FGF12: variants seen among roughly 807,000 people sequenced by gnomAD.
FGF12 encodes the protein fibroblast growth factor 12.
A neutral mutation model predicts 23.6 loss-of-function variants in FGF12; 14 were observed. The ratio of observed to expected loss-of-function variants is 0.59; its 90% CI spans 0.39 to 0.93. The LOEUF is 0.93. FGF12 is among the 40% of genes least tolerant of loss of function. The probability of loss-of-function intolerance (pLI) is 0.00; values close to 1 mark genes in which losing one functional copy is unlikely to be tolerated. For synonymous variants in FGF12, 62 were observed against 77.3 expected (o/e 0.80, Z 1.04); for missense variants, 175 against 217.8 (o/e 0.80, Z 1.24).
At chr3:192,378,080 T>TTCTTTCTCTCTC (rs1553805090) in intron 2 of FGF12, among the ~76,000 whole-genome samples, 1 of 105,810 alleles carries the variant, frequency 9.5e-6, no homozygotes, top group Non-Finnish European at 2.0e-5. Context: ...CTTTCTTTCT[T>TTCTTTCTCTCTC]TCTTTCTTTC....
At chr3:192,375,614 G>T (rs1719452964) in intron 2 of FGF12, among the ~76,000 whole-genome samples, 2 of 151,880 alleles carry the variant, frequency 1.3e-5, no homozygotes, top group South Asian at 4.2e-4. Context: ...CGTTTATTAT[G>T]ATAGATTTAC....
intron 2 of FGF12, among the ~76,000 whole-genome samples, chr3:192,656,893 T>A (rs540865866): frequency 6.6e-6 from 1 of 152,284 alleles, no homozygotes; most frequent in Admixed American, 6.5e-5. Flanking sequence ...ATATACTAAT[T>A]GGCAAGTACA....
At chr3:192,293,718 A>G (rs1487821915) in intron 4 of FGF12, among the ~76,000 whole-genome samples, 1 of 152,156 alleles carries the variant, frequency 6.6e-6, no homozygotes, top group Non-Finnish European at 1.5e-5. Context: ...TATATATTCA[A>G]CATTTGCCTG....
chr3:192,169,060 G>A (rs1273623440), intron 5 of FGF12, among the ~76,000 whole-genome samples: 1 of 152,172 alleles, frequency 6.6e-6, no homozygotes, highest in African/African-American at 2.4e-5. Flanking sequence ...ATGAAAATAG[G>A]CCAGGCATGG....
At chr3:192,268,671 C>T in intron 4 of FGF12, 1 of 446,126 alleles carries the variant, frequency 2.2e-6, no homozygotes, top group Non-Finnish European at 4.5e-6. Context: ...TTTGCCTTGT[C>T]ATGATTGTAA....
chr3:192,642,253 A>G (rs552475361), intron 2 of FGF12, among the ~76,000 whole-genome samples: 1 of 152,338 alleles, frequency 6.6e-6, no homozygotes, highest in South Asian at 2.1e-4. Context: ...GCCCATGGAA[A>G]TAATTACTAT....
chr3:192,430,684 T>C (rs913162033), intron 2 of FGF12, among the ~76,000 whole-genome samples: 2 of 152,192 alleles, frequency 1.3e-5, no homozygotes, highest in African/African-American at 2.4e-5. Context: ...AATTCATTTA[T>C]TGGGGTCCTA....
intron 2 of FGF12, among the ~76,000 whole-genome samples, chr3:192,442,063 G>A (rs754511935): frequency 1.1e-4 from 17 of 152,226 alleles, no homozygotes; most frequent in Non-Finnish European, 2.4e-4. Flanking sequence ...GCATTGTTGA[G>A]TGAGACTTTC....
chr3:192,224,074 G>A (rs1718607219), intron 4 of FGF12, among the ~76,000 whole-genome samples: 1 of 152,028 alleles, frequency 6.6e-6, no homozygotes, highest in African/African-American at 2.4e-5. Flanking sequence ...CCTCAGGGTA[G>A]GGATTTTGTA....
rs1560135955 is a variant in FGF12 at position 192,514,843 on chromosome 3, G to C, written c.14-154305C>G. 1.0e-6 allele frequency: 1 copy of C among 985,222 alleles called. No individual in the cohort carries two copies. Among genetic ancestry groups the C allele is most frequent in the African/African-American group, 1.7e-5 (1 of 57,224 alleles). 61.0% of individuals were successfully genotyped at this position (985,222 alleles called of 1,614,324 possible). A position where few individuals can be genotyped will look rare whatever the true frequency, so the allele number is the denominator to read the frequency against. On this transcript the variant is annotated intron_variant, in intron 2 of 5. Coordinates refer to ENST00000445105, the MANE Select transcript of FGF12 (RefSeq NM_004113.6). This position sits in a 1 kb window ranked among gnomAD's most constrained non-coding sequence, Gnocchi z 4.9. ...ACAGGCGGCCTGTCTTCGGAAGCCG[G>C]GTCCCGAGTCCATCGCGCGCGCCCA... is the stretch of plus-strand genomic sequence containing the variant.
intron 2 of FGF12, among the ~76,000 whole-genome samples, chr3:192,454,610 G>A (rs1308269045): frequency 6.6e-6 from 1 of 152,212 alleles, no homozygotes; most frequent in Non-Finnish European, 1.5e-5. Flanking sequence ...TAAACATGGT[G>A]CAAGGAGAGA....
At chr3:192,423,922 A>G (rs1662584316) in intron 2 of FGF12, among the ~76,000 whole-genome samples, 1 of 152,198 alleles carries the variant, frequency 6.6e-6, no homozygotes, top group African/African-American at 2.4e-5. Context: ...TAATTTATAG[A>G]TGCATAAAGA....
intron 3 of FGF12, among the ~76,000 whole-genome samples, chr3:192,341,877 T>G (rs987745690): frequency 3.6e-5 from 4 of 111,694 alleles, no homozygotes; most frequent in Admixed American, 9.9e-5. Flanking sequence ...TGAAAAAAAT[T>G]GAGAAAATGT....
intron 2 of FGF12, among the ~76,000 whole-genome samples, chr3:192,548,256 G>C (rs57344951): frequency 0.012 from 1,892 of 152,158 alleles, 48 homozygotes; most frequent in African/African-American, 0.043. Flanking sequence ...ATAACATTAA[G>C]CAACTTAAAG....
intron 2 of FGF12, among the ~76,000 whole-genome samples, chr3:192,718,465 C>T (rs1159765101): frequency 6.6e-6 from 1 of 152,098 alleles, no homozygotes; most frequent in Non-Finnish European, 1.5e-5. Flanking sequence ...AATGCTGGTT[C>T]TTTCAATCCC....
chr3:192,642,751 G>A (rs1456270749), intron 2 of FGF12, among the ~76,000 whole-genome samples: 2 of 152,128 alleles, frequency 1.3e-5, no homozygotes, highest in Non-Finnish European at 1.5e-5. Context: ...ATGTTAATCG[G>A]AGGTCAGCAT....
intron 2 of FGF12, among the ~76,000 whole-genome samples, chr3:192,595,338 G>C (rs1713795067): frequency 6.6e-6 from 1 of 152,156 alleles, no homozygotes; most frequent in African/African-American, 2.4e-5. Context: ...ATAATCACTA[G>C]CTGCTCCCAT....
chr3:192,214,319 C>A (rs1718083162), intron 4 of FGF12, among the ~76,000 whole-genome samples: 1 of 152,162 alleles, frequency 6.6e-6, no homozygotes, highest in Non-Finnish European at 1.5e-5. Context: ...AACCCAGAAC[C>A]AAAGCTAGAA....
At chr3:192,344,812 T>C (rs1016198215) in intron 3 of FGF12, among the ~76,000 whole-genome samples, 1 of 152,206 alleles carries the variant, frequency 6.6e-6, no homozygotes, top group Non-Finnish European at 1.5e-5. Context: ...AAAATTTGCA[T>C]AATTAACAAG....
Sources: allele counts gnomAD v4.1 joint callset (sites outside exome capture counted in the v4.1 genomes callset), GRCh38; gene constraint gnomAD v4.1.1; non-coding constraint Gnocchi (gnomAD v3.1); transcripts MANE v1.5; gene names NCBI Gene and HGNC (gene_info 2026-07-23, HGNC 2026-07-21).